The following TMEM163 variants were observed in gnomAD, a reference collection of about 807,000 sequenced individuals.
The protein encoded by TMEM163 is transmembrane protein 163.
In TMEM163, 17 loss-of-function variants were observed where a neutral mutation model predicts 29.3. That is an observed-to-expected ratio of 0.58 (90% confidence interval 0.40 to 0.87). The LOEUF is 0.87. Ranked by LOEUF, TMEM163 falls within the 40% of genes least tolerant of loss-of-function variation. The probability of loss-of-function intolerance (pLI) is 0.00; values close to 1 mark genes in which losing one functional copy is unlikely to be tolerated. For missense variants in TMEM163, 303 were observed against 381.5 expected, an observed-to-expected ratio of 0.79 and a Z score of 1.71; for synonymous variants, 157 against 160.6, an observed-to-expected ratio of 0.98 and a Z score of 0.17.
intron 2 of TMEM163, among the ~76,000 whole-genome samples, chr2:134,583,978 C>T (rs1297297283): frequency 6.6e-6 from 1 of 152,150 alleles, no homozygotes; most frequent in Non-Finnish European, 1.5e-5. Context: ...TTTCTCACTC[C>T]CTGAGGCAGG....
intron 4 of TMEM163, among the ~76,000 whole-genome samples, chr2:134,545,191 C>A (rs1037037795): frequency 6.6e-6 from 1 of 152,160 alleles, no homozygotes; most frequent in Non-Finnish European, 1.5e-5. Flanking sequence ...AGAGTGGCTG[C>A]ATAGCAATCC....
intron 4 of TMEM163, among the ~76,000 whole-genome samples, chr2:134,508,155 C>T (rs1008927807): frequency 5.9e-5 from 9 of 152,198 alleles, no homozygotes; most frequent in African/African-American, 2.2e-4. Context: ...CTGTGGCTCA[C>T]ATTAAAATTG....
chr2:134,691,521 T>C (rs1684465310), intron 2 of TMEM163, among the ~76,000 whole-genome samples: 1 of 152,212 alleles, frequency 6.6e-6, no homozygotes, highest in Non-Finnish European at 1.5e-5. Flanking sequence ...ACAACTCTAT[T>C]GTAAATACAC....
At chr2:134,699,382 T>C (rs1684648319) in intron 2 of TMEM163, among the ~76,000 whole-genome samples, 1 of 152,000 alleles carries the variant, frequency 6.6e-6, no homozygotes, top group Non-Finnish European at 1.5e-5. Context: ...TACACGTCTG[T>C]AGTGCCAGCG....
intron 2 of TMEM163, among the ~76,000 whole-genome samples, chr2:134,576,712 G>A (rs1227290932): frequency 1.3e-5 from 2 of 152,168 alleles, no homozygotes; most frequent in Non-Finnish European, 2.9e-5. Flanking sequence ...TGAGGCATCT[G>A]CAAGTATTTA....
chr2:134,695,301 C>T lies in TMEM163; in HGVS notation c.322+17899G>A, dbSNP rs189075762. Among the ~76,000 whole-genome samples, 4 of 152,108 alleles carry T rather than the reference C, an allele frequency of 2.6e-5. No homozygotes were observed. The East Asian group carries it at 7.7e-4, about 29-fold the overall frequency. On this transcript the variant is annotated intron_variant, in intron 2 of 7. Coordinates refer to ENST00000281924, the MANE Select transcript of TMEM163 (RefSeq NM_030923.5). ...CCATGTTGGCCAGGCTGGTCTCGAA[C>T]CCCTGACCTCAGGTGATTCACCCAT...
At chr2:134,481,601 G>A (rs937465672) in intron 5 of TMEM163, among the ~76,000 whole-genome samples, 1 of 152,158 alleles carries the variant, frequency 6.6e-6, no homozygotes, top group Admixed American at 6.5e-5. Flanking sequence ...TCTCCGGTAT[G>A]TCTTTATCAG....
chr2:134,460,526 G>A lies in TMEM163; in HGVS notation c.668-2353C>T, dbSNP rs781678335. On this transcript the variant is annotated intron_variant, in intron 6 of 7. Coordinates refer to ENST00000281924, the MANE Select transcript of TMEM163 (RefSeq NM_030923.5). The surrounding 1 kb of genome is among the most constrained non-coding windows in gnomAD (Gnocchi z 4.3). ...AGGACAGGGCCTGGCATTCATCAGG[G>A]GTGCAAATGACCGCTGCATTAACAA... 4.6e-5 allele frequency among the ~76,000 whole-genome samples: 7 copies of A among 152,078 alleles called. No individual in the cohort carries two copies. The highest frequency in any genetic ancestry group is 1.0e-4 in the Non-Finnish European group (7 of 68,032).
chr2:134,541,507 A>G (rs1411806331), intron 4 of TMEM163, among the ~76,000 whole-genome samples: 1 of 152,240 alleles, frequency 6.6e-6, no homozygotes, highest in Non-Finnish European at 1.5e-5. Context: ...ATTAAAATAC[A>G]AATGTTTAAG....
chr2:134,538,240 G>A (rs969628739), intron 4 of TMEM163, among the ~76,000 whole-genome samples: 5 of 152,272 alleles, frequency 3.3e-5, no homozygotes, highest in Admixed American at 2.6e-4. Context: ...AAAGAGGCCC[G>A]AGAGCTGCCT....
chr2:134,699,345 A>C (rs1036277908), intron 2 of TMEM163, among the ~76,000 whole-genome samples: 1 of 152,136 alleles, frequency 6.6e-6, no homozygotes, highest in Non-Finnish European at 1.5e-5. Flanking sequence ...CTCTACTAAA[A>C]ATACAAAAAA....
intron 1 of TMEM163, 95 bp from the exon 2 acceptor site, chr2:134,713,414 C>G: frequency 6.4e-7 from 1 of 1,558,376 alleles, no homozygotes; most frequent in African/African-American, 1.4e-5. Context: ...TGCAAACTAA[C>G]AGCCCGTGGG....
chr2:134,507,426 C>A (rs13384465), intron 4 of TMEM163, among the ~76,000 whole-genome samples: 39 of 152,272 alleles, frequency 2.6e-4, no homozygotes, highest in African/African-American at 9.1e-4. Flanking sequence ...ATCAGCAGCA[C>A]CCGCGTCACA....
chr2:134,555,300 G>A (rs941249531), intron 2 of TMEM163, among the ~76,000 whole-genome samples: 16 of 152,182 alleles, frequency 1.1e-4, no homozygotes, highest in African/African-American at 3.4e-4. Flanking sequence ...TCACCAGGAC[G>A]TTTCCAACTT....
chr2:134,665,703 A>G (rs745707532), intron 2 of TMEM163, among the ~76,000 whole-genome samples: 15 of 152,154 alleles, frequency 9.9e-5, no homozygotes, highest in Non-Finnish European at 8.8e-5. Context: ...CAGAGGGACT[A>G]CAGAGCTGAA....
chr2:134,647,202 A>G (rs938198291), intron 2 of TMEM163, among the ~76,000 whole-genome samples: 1 of 152,234 alleles, frequency 6.6e-6, no homozygotes, highest in Non-Finnish European at 1.5e-5. Flanking sequence ...TTATATGATT[A>G]TTATCTTCCA....
chr2:134,537,533 A>C (rs1246306570), intron 4 of TMEM163, among the ~76,000 whole-genome samples: 1 of 152,198 alleles, frequency 6.6e-6, no homozygotes. Flanking sequence ...CCCAAAGCAC[A>C]CATACCTCCT....
At chr2:134,611,810 G>A (rs1049697153) in intron 2 of TMEM163, among the ~76,000 whole-genome samples, 5 of 152,106 alleles carry the variant, frequency 3.3e-5, no homozygotes, top group South Asian at 4.2e-4. Context: ...TCTCAACGAC[G>A]GCCAGAGCAG....
At chr2:134,697,461 C>T (rs1684607116) in intron 2 of TMEM163, among the ~76,000 whole-genome samples, 1 of 142,354 alleles carries the variant, frequency 7.0e-6, no homozygotes, top group African/African-American at 2.8e-5. Flanking sequence ...GGTTTCTTCT[C>T]AATTTTTTTT....
Sources: gnomAD v4.1 joint callset for allele counts (sites outside exome capture counted in the v4.1 genomes callset) on GRCh38, gnomAD v4.1.1 for gene constraint, Gnocchi (gnomAD v3.1) non-coding constraint, MANE v1.5 for transcripts, NCBI Gene and HGNC (gene_info 2026-07-23, HGNC 2026-07-21) for gene names.